The following FAF1 variants were observed in gnomAD, a reference collection of about 807,000 sequenced individuals.
FAF1 encodes the protein Fas associated factor 1, also known as FAS-associated factor 1.
A neutral mutation model predicts 92.5 loss-of-function variants in FAF1; 25 were observed. That is an observed-to-expected ratio of 0.27 (90% CI 0.20 to 0.38). The LOEUF (loss-of-function observed/expected upper bound fraction) is 0.38. Ranked by LOEUF, FAF1 falls within the 10% of genes least tolerant of loss-of-function variation. FAF1 has a pLI of 1.00. For synonymous variants in FAF1, 234 were observed against 273.2 expected, an observed-to-expected ratio of 0.86 and a Z score of 1.42; for missense variants, 636 against 793.3, an observed-to-expected ratio of 0.80 and a Z score of 2.38.
intron 1 of FAF1, among the ~76,000 whole-genome samples, chr1:50,924,598 G>A (rs1252019552): frequency 1.3e-5 from 2 of 152,114 alleles, no homozygotes; most frequent in Admixed American, 6.5e-5. Context: ...ACCCTGAATA[G>A]CCAAAGCAAT....
chr1:50,530,527 G>A (rs1344930534), intron 15 of FAF1, among the ~76,000 whole-genome samples: 1 of 151,720 alleles, frequency 6.6e-6, no homozygotes, highest in Non-Finnish European at 1.5e-5. Context: ...GATGTTTAAT[G>A]GGTACAAAAA....
At chr1:50,535,574 C>A in intron 14 of FAF1, 117 bp from the exon 15 acceptor site, 1 of 546,564 alleles carries the variant, frequency 1.8e-6, no homozygotes, top group African/African-American at 1.9e-5. Context: ...AATAATCAGT[C>A]TAAAAAAATT....
Position 50,437,986 on chromosome 1 carries a change from G to A in FAF1, c.*3454C>T, listed in dbSNP as rs1021794845. The A allele has an allele frequency of 7.2e-5, 9 of 125,708 alleles. No homozygotes were observed. The highest frequency in any genetic ancestry group is 2.8e-4 in the African/African-American group (9 of 31,628). The allele number at this position is 125,708 out of a possible 1,614,324, so 7.8% of individuals were successfully genotyped here. On this transcript the variant is annotated 3_prime_UTR_variant, in exon 19 of 19. Transcript: ENST00000396153. ...TGCAGTGAGCCGAGATCGTGCCACTGCACTCTAGCCTGAGCGACAGAGCGA... is the reference window on the plus strand; with the variant it reads ...TGCAGTGAGCCGAGATCGTGCCACTACACTCTAGCCTGAGCGACAGAGCGA...
At chr1:50,948,609 T>C (rs1228406084) in intron 1 of FAF1, among the ~76,000 whole-genome samples, 1 of 151,268 alleles carries the variant, frequency 6.6e-6, no homozygotes, top group African/African-American at 2.4e-5. Context: ...TTCAGCTCAC[T>C]GCAACCTCTG....
chr1:50,785,484 T>C (rs1361047087), intron 4 of FAF1, among the ~76,000 whole-genome samples: 2 of 151,908 alleles, frequency 1.3e-5, no homozygotes, highest in African/African-American at 4.8e-5. Flanking sequence ...GAATAGACAT[T>C]TCTCCAAAAA....
intron 2 of FAF1, among the ~76,000 whole-genome samples, chr1:50,802,063 T>A (rs762458432): frequency 6.6e-6 from 1 of 152,186 alleles, no homozygotes; most frequent in East Asian, 1.9e-4. Flanking sequence ...AAATCACAAA[T>A]GAATGTATTA....
rs80294865 is a variant in FAF1, at chr1:50,954,699, C to T, written c.45+5068G>A. On this transcript the variant is annotated intron_variant, in intron 1 of 18. Transcript: ENST00000396153. ...GATTACAGACACCAGCCACCATGCC[C>T]GGCTAATTTGTGTGTGTGTTTTTAG... 7.8e-3 allele frequency among the ~76,000 whole-genome samples: 1,185 copies of T among 151,908 alleles called. 13 individuals are homozygous for T. The highest frequency in any genetic ancestry group is 0.028 in the African/African-American group (1,145 of 41,424).
At chr1:50,877,307 G>A (rs1644578898) in intron 1 of FAF1, among the ~76,000 whole-genome samples, 1 of 152,146 alleles carries the variant, frequency 6.6e-6, no homozygotes, top group East Asian at 1.9e-4. Flanking sequence ...GTTTAATCAT[G>A]AGAAAAAGAT....
At chr1:50,635,728 C>T (rs201593653) in intron 8 of FAF1, among the ~76,000 whole-genome samples, 1 of 152,250 alleles carries the variant, frequency 6.6e-6, no homozygotes. Flanking sequence ...TGTATAGATG[C>T]CATTTAGCTC....
intron 1 of FAF1, among the ~76,000 whole-genome samples, chr1:50,885,173 C>G (rs1644648369): frequency 6.6e-6 from 1 of 152,064 alleles, no homozygotes; most frequent in East Asian, 1.9e-4. Flanking sequence ...CTTAGTCTGG[C>G]TAAAGATTTG....
chr1:50,835,520 G>A lies in FAF1; in HGVS notation c.114+22409C>T, dbSNP rs534428653. ...CAGGAGGCGGGGGTTGCAGTGAGCCGACATTGCGCCACTGCACTCCAGCCT... is the reference window on the plus strand; with the variant it reads ...CAGGAGGCGGGGGTTGCAGTGAGCCAACATTGCGCCACTGCACTCCAGCCT... On this transcript the variant is annotated intron_variant, in intron 2 of 18. Transcript: ENST00000396153. Among the ~76,000 whole-genome samples the A allele has an allele frequency of 9.0e-4, 121 of 133,744 alleles. 1 individual carries two copies. The highest frequency in any genetic ancestry group is 3.2e-3 in the African/African-American group (109 of 34,546). The allele number at this position is 133,744 out of a possible 152,430, so 87.7% of individuals were successfully genotyped here. A position where few individuals can be genotyped will look rare whatever the true frequency, so the allele number is the denominator to read the frequency against.
intron 2 of FAF1, among the ~76,000 whole-genome samples, chr1:50,825,202 A>G (rs1220381277): frequency 6.6e-6 from 1 of 152,132 alleles, no homozygotes; most frequent in Non-Finnish European, 1.5e-5. Flanking sequence ...GTATCAAAAT[A>G]CCACATGCAA....
intron 1 of FAF1, among the ~76,000 whole-genome samples, chr1:50,889,576 A>G (rs1325923996): frequency 1.3e-5 from 2 of 152,048 alleles, no homozygotes; most frequent in African/African-American, 2.4e-5. Flanking sequence ...CTTTGTTCTC[A>G]TTGGTTTCAA....
At chr1:50,501,465 T>A (rs774134522) in intron 15 of FAF1, among the ~76,000 whole-genome samples, 1 of 152,010 alleles carries the variant, frequency 6.6e-6, no homozygotes, top group African/African-American at 2.4e-5. Flanking sequence ...GTCAAGACCA[T>A]CCTGGCTAAT....
At chr1:50,794,789 ATTT>A (rs59806816) in intron 3 of FAF1, among the ~76,000 whole-genome samples, 2 of 123,488 alleles carry the variant, frequency 1.6e-5, no homozygotes, top group Non-Finnish European at 1.7e-5. Context: ...TCACCCAGCT[ATTT>A]TTTTTTTTTT....
intron 15 of FAF1, among the ~76,000 whole-genome samples, chr1:50,534,815 AT>A (rs1476520209): frequency 6.6e-6 from 1 of 152,098 alleles, no homozygotes; most frequent in Non-Finnish European, 1.5e-5. Flanking sequence ...TTTTATTATT[AT>A]TTTATTTGAG....
intron 7 of FAF1, among the ~76,000 whole-genome samples, chr1:50,704,482 T>C (rs1324311505): frequency 6.6e-6 from 1 of 152,196 alleles, no homozygotes; most frequent in Admixed American, 6.5e-5. Context: ...TATATTCACA[T>C]ATACAATTTA....
At chr1:50,888,531 T>C (rs1255833914) in intron 1 of FAF1, among the ~76,000 whole-genome samples, 2 of 152,196 alleles carry the variant, frequency 1.3e-5, no homozygotes, top group Non-Finnish European at 2.9e-5. Context: ...ACAGCTCTTA[T>C]TATATTGAGA....
chr1:50,885,997 C>G (rs191548888), intron 1 of FAF1, among the ~76,000 whole-genome samples: 46 of 152,270 alleles, frequency 3.0e-4, no homozygotes, highest in African/African-American at 1.1e-3. Flanking sequence ...ATCAGCCCCC[C>G]TCTTTTTAAC....
Sources: allele counts gnomAD v4.1 joint callset (sites outside exome capture counted in the v4.1 genomes callset), GRCh38; gene constraint gnomAD v4.1.1; transcripts MANE v1.5; gene names NCBI Gene and HGNC (gene_info 2026-07-23, HGNC 2026-07-21).